DPP6: variants seen among roughly 807,000 people sequenced by gnomAD.
DPP6 encodes the protein dipeptidyl peptidase like 6.
DPP6 carries 69 observed loss-of-function variants against 122.6 expected under a neutral mutation model. That is an observed-to-expected ratio of 0.56 (90% CI 0.46 to 0.69). DPP6 has a LOEUF of 0.69. DPP6 is among the 30% of genes least tolerant of loss of function. The probability of loss-of-function intolerance (pLI) is 0.00; values close to 1 mark genes in which losing one functional copy is unlikely to be tolerated. For synonymous variants in DPP6, 418 were observed against 433.1 expected (o/e 0.97, Z 0.43); for missense variants, 928 against 1,116.9 (o/e 0.83, Z 2.41).
intron 3 of DPP6, among the ~76,000 whole-genome samples, chr7:154,535,468 C>T (rs1409044103): frequency 6.6e-6 from 1 of 151,370 alleles, no homozygotes; most frequent in Non-Finnish European, 1.5e-5. Flanking sequence ...ATACACATGC[C>T]ATGGTGGTTT....
intron 3 of DPP6, among the ~76,000 whole-genome samples, chr7:154,480,821 A>T (rs1823202990): frequency 6.6e-6 from 1 of 152,138 alleles, no homozygotes; most frequent in Non-Finnish European, 1.5e-5. Context: ...AAGAAAAAAA[A>T]TCCACCCTAT....
At chr7:154,865,955 T>G (rs1305802311) in intron 17 of DPP6, among the ~76,000 whole-genome samples, 1 of 152,206 alleles carries the variant, frequency 6.6e-6, no homozygotes, top group African/African-American at 2.4e-5. Context: ...GACTGAACAC[T>G]GATACCTTGG....
intron 1 of DPP6, among the ~76,000 whole-genome samples, chr7:153,958,694 G>T (rs1237570424): frequency 6.6e-6 from 1 of 152,194 alleles, no homozygotes; most frequent in Non-Finnish European, 1.5e-5. Flanking sequence ...CCCCATGGCT[G>T]GGGCTGGAGG....
chr7:154,541,956 C>T (rs1563827573), intron 4 of DPP6, among the ~76,000 whole-genome samples: 1 of 152,170 alleles, frequency 6.6e-6, no homozygotes, highest in East Asian at 1.9e-4. Flanking sequence ...TTTACCCTAC[C>T]CCATCCCCAG....
At chr7:154,861,603 T>C (rs2150601353) in intron 17 of DPP6, among the ~76,000 whole-genome samples, 1 of 152,374 alleles carries the variant, frequency 6.6e-6, no homozygotes, top group East Asian at 1.9e-4. Context: ...GCCATAATCA[T>C]TACTTGTTGG....
At chr7:154,650,007 A>G (rs1470989194) in intron 6 of DPP6, among the ~76,000 whole-genome samples, 1 of 152,074 alleles carries the variant, frequency 6.6e-6, no homozygotes, top group African/African-American at 2.4e-5. Context: ...CCTAAGGAAG[A>G]GCAAAAGAAA....
chr7:154,406,448 C>T lies in DPP6; in HGVS notation c.244-39766C>T, dbSNP rs1426956501. 3.4e-5 allele frequency among the ~76,000 whole-genome samples: 5 copies of T among 146,698 alleles called. No individual in the cohort carries two copies. In the East Asian group the frequency reaches 8.0e-4, roughly 23 times the overall value. Reference sequence around the variant, plus strand: ...ACGCATGCACACACACACACACACACGCACACATGCACATGCACACGCACA... The same window carrying T: ...ACGCATGCACACACACACACACACATGCACACATGCACATGCACACGCACA... On this transcript the variant is annotated intron_variant, in intron 1 of 25. Coordinates refer to ENST00000377770, the MANE Select transcript of DPP6 (RefSeq NM_130797.4).
chr7:153,819,300 C>T, the DPP6 span, among the ~76,000 whole-genome samples: 2 of 141,986 alleles, frequency 1.4e-5, no homozygotes, highest in African/African-American at 2.7e-5. Context: ...CCTGTGTTCT[C>T]ATCCTTTAGC....
chr7:153,917,021 T>C (rs1800358283), intron 1 of DPP6, among the ~76,000 whole-genome samples: 1 of 152,208 alleles, frequency 6.6e-6, no homozygotes, highest in Non-Finnish European at 1.5e-5. Flanking sequence ...ACTCGCACAC[T>C]CATATGGATC....
intron 1 of DPP6, among the ~76,000 whole-genome samples, chr7:153,962,804 C>T (rs1795422412): frequency 6.6e-6 from 1 of 152,228 alleles, no homozygotes; most frequent in South Asian, 2.1e-4. Flanking sequence ...CCCACAAATA[C>T]TCTACATTTT....
intron 9 of DPP6, among the ~76,000 whole-genome samples, chr7:154,770,614 G>A (rs1796196581): frequency 6.6e-6 from 1 of 152,214 alleles, no homozygotes. Context: ...CCCCAGAGCT[G>A]TGAGAGATAC....
intron 5 of DPP6, among the ~76,000 whole-genome samples, chr7:154,595,175 G>A (rs975150478): frequency 9.9e-5 from 15 of 152,170 alleles, no homozygotes; most frequent in South Asian, 6.2e-4. Flanking sequence ...TGCCTGACAC[G>A]TCCTCTCCAT....
chr7:154,303,084 C>T (rs546276045), intron 1 of DPP6, among the ~76,000 whole-genome samples: 22 of 152,314 alleles, frequency 1.4e-4, no homozygotes, highest in Middle Eastern at 6.8e-3. Context: ...CAGGTTCAAG[C>T]GATTCTCCTG....
chr7:154,697,379 A>G (rs1840280558), intron 7 of DPP6, among the ~76,000 whole-genome samples: 1 of 152,182 alleles, frequency 6.6e-6, no homozygotes, highest in South Asian at 2.1e-4. Flanking sequence ...AGGGCTTCCA[A>G]GTCCCATGTA....
At chr7:153,883,808 G>A (rs1798820255), upstream of DPP6, among the ~76,000 whole-genome samples, 1 of 152,172 alleles carries the variant, frequency 6.6e-6, no homozygotes. Context: ...TTGCTTTGCT[G>A]TTTTATTCTG....
intron 18 of DPP6, among the ~76,000 whole-genome samples, chr7:154,872,285 C>T (rs1444522922): frequency 6.6e-6 from 1 of 151,928 alleles, no homozygotes; most frequent in Admixed American, 6.5e-5. Context: ...TTGCCGCAGG[C>T]AGCCCTCCTG....
At chr7:154,561,823 A>G (rs1830445180) in intron 4 of DPP6, among the ~76,000 whole-genome samples, 1 of 152,210 alleles carries the variant, frequency 6.6e-6, no homozygotes, top group Admixed American at 6.5e-5. Context: ...CAAACATATT[A>G]ATAATTTGGA....
At position 154,483,467 on chromosome 7, in the gene DPP6, G is replaced by A. The variant is rs1462192871; in HGVS notation, c.457+8430G>A. Among the ~76,000 whole-genome samples the A allele has an allele frequency of 6.6e-6, 1 of 151,852 alleles. No homozygotes were observed. The highest frequency in any genetic ancestry group is 1.5e-5 in the Non-Finnish European group (1 of 68,014). On this transcript the variant is annotated intron_variant, in intron 3 of 25. Transcript: ENST00000377770. This position sits in a 1 kb window ranked among gnomAD's most constrained non-coding sequence, Gnocchi z 8.1. ...CAGCTCCAAACCAGAAGTGGTTCTGGGGTTCTACCAAGGGAACAAGGGAGA... is the reference window on the plus strand; with the variant it reads ...CAGCTCCAAACCAGAAGTGGTTCTGAGGTTCTACCAAGGGAACAAGGGAGA...
rs781409274 is a variant in DPP6, at chr7:154,241,804, A to G, written c.243+188741A>G. Among the ~76,000 whole-genome samples, 1 of 152,200 alleles carries G rather than the reference A, an allele frequency of 6.6e-6. No homozygotes were observed. The highest frequency in any genetic ancestry group is 1.9e-4 in the East Asian group (1 of 5,196). ...GACCGAAAAAGTTTATGTCAAAACT[A>G]CAGAAAAGAGCCATTTCTTCCATTT... is the stretch of plus-strand genomic sequence containing the variant. On this transcript the variant is annotated intron_variant, in intron 1 of 25. Coordinates refer to ENST00000377770, the MANE Select transcript of DPP6 (RefSeq NM_130797.4). The surrounding 1 kb of genome is among the most constrained non-coding windows in gnomAD (Gnocchi z 9.0).
Sources: gnomAD v4.1 joint callset for allele counts (sites outside exome capture counted in the v4.1 genomes callset) on GRCh38, gnomAD v4.1.1 for gene constraint, Gnocchi (gnomAD v3.1) non-coding constraint, MANE v1.5 for transcripts, NCBI Gene and HGNC (gene_info 2026-07-23, HGNC 2026-07-21) for gene names.